Variants in FGF12 observed in about 807,000 individuals in gnomAD.
FGF12 encodes fibroblast growth factor 12, also known as fibroblast growth factor 12B.
FGF12 carries 14 observed loss-of-function variants against 23.6 expected under a neutral mutation model. The observed-to-expected ratio is 0.59, with a 90% confidence interval of 0.39 to 0.93. The LOEUF is 0.93. Among genes scored for constraint, FGF12 ranks in the 40% least tolerant of loss-of-function variants. FGF12 has a pLI of 0.00. For synonymous variants in FGF12, 62 were observed against 77.3 expected, an observed-to-expected ratio of 0.80 and a Z score of 1.04; for missense variants, 175 against 217.8, an observed-to-expected ratio of 0.80 and a Z score of 1.24.
intron 2 of FGF12, among the ~76,000 whole-genome samples, chr3:192,663,529 T>A (rs1577107101): frequency 6.6e-6 from 1 of 152,232 alleles, no homozygotes; most frequent in African/African-American, 2.4e-5. Flanking sequence ...CCAAACACAC[T>A]GGTCAATCCC....
At chr3:192,195,715 T>C (rs1210504939) in intron 4 of FGF12, among the ~76,000 whole-genome samples, 1 of 152,196 alleles carries the variant, frequency 6.6e-6, no homozygotes, top group Admixed American at 6.5e-5. Context: ...TCACAATGTG[T>C]GTGTGTATAT....
chr3:192,483,431 AAATGTCT>A (rs1723537509), intron 2 of FGF12, among the ~76,000 whole-genome samples: 1 of 152,214 alleles, frequency 6.6e-6, no homozygotes, highest in African/African-American at 2.4e-5. Context: ...CACGTAAAAA[AAATGTCT>A]AATGTCTCTT....
intron 2 of FGF12, among the ~76,000 whole-genome samples, chr3:192,372,391 T>TCACG (rs1719273216): frequency 6.7e-6 from 1 of 148,986 alleles, no homozygotes; most frequent in African/African-American, 2.4e-5. Flanking sequence ...TTTCATACCA[T>TCACG]CACACACACA....
chr3:192,470,877 G>A (rs1038839808), intron 2 of FGF12, among the ~76,000 whole-genome samples: 3 of 152,088 alleles, frequency 2.0e-5, no homozygotes, highest in Non-Finnish European at 4.4e-5. Context: ...CTTGTGCTGC[G>A]GCTGACCCTT....
At chr3:192,221,469 G>T (rs372086396) in intron 4 of FGF12, among the ~76,000 whole-genome samples, 1 of 152,120 alleles carries the variant, frequency 6.6e-6, no homozygotes, top group Non-Finnish European at 1.5e-5. Flanking sequence ...CCATGACAGC[G>T]CAGGGATGTG....
At chr3:192,633,324 G>C (rs758068045) in intron 2 of FGF12, among the ~76,000 whole-genome samples, 10 of 152,106 alleles carry the variant, frequency 6.6e-5, no homozygotes, top group Non-Finnish European at 1.5e-4. Context: ...GGGATTACAG[G>C]TGTGAGCCCT....
At chr3:192,310,907 C>T (rs1234635005) in intron 4 of FGF12, among the ~76,000 whole-genome samples, 1 of 152,116 alleles carries the variant, frequency 6.6e-6, no homozygotes, top group Non-Finnish European at 1.5e-5. Flanking sequence ...ACTCTGTTTC[C>T]ACTACTTCTT....
At chr3:192,506,810 C>T (rs978220093) in intron 2 of FGF12, among the ~76,000 whole-genome samples, 5 of 152,030 alleles carry the variant, frequency 3.3e-5, no homozygotes, top group African/African-American at 1.2e-4. Context: ...TTTAACAATG[C>T]TGGTCAGTTG....
chr3:192,559,671 A>G lies in FGF12; in HGVS notation c.13+167510T>C, dbSNP rs867678161. ...AATAATAAAACTAAAAAAAGAAGAA[A>G]AAAAAGATGTGTCAATAGATTGCAA... On this transcript the variant is annotated intron_variant, in intron 2 of 5. Coordinates refer to ENST00000445105, the MANE Select transcript of FGF12 (RefSeq NM_004113.6). 3.2e-4 allele frequency among the ~76,000 whole-genome samples: 48 copies of G among 151,982 alleles called. 1 individual carries two copies. The highest frequency in any genetic ancestry group is 2.1e-4 in the South Asian group (1 of 4,826).
intron 4 of FGF12, among the ~76,000 whole-genome samples, chr3:192,317,887 G>C (rs1716313360): frequency 6.6e-6 from 1 of 152,196 alleles, no homozygotes; most frequent in South Asian, 2.1e-4. Flanking sequence ...CACAGAGAGA[G>C]AGAGAGAGAC....
At chr3:192,195,652 A>G (rs1349809113) in intron 4 of FGF12, among the ~76,000 whole-genome samples, 1 of 152,140 alleles carries the variant, frequency 6.6e-6, no homozygotes, top group Admixed American at 6.6e-5. Context: ...ATTTCTCACA[A>G]TGTATCCCCA....
At chr3:192,316,602 G>C (rs192527130) in intron 4 of FGF12, among the ~76,000 whole-genome samples, 126 of 152,290 alleles carry the variant, frequency 8.3e-4, no homozygotes, top group Admixed American at 2.5e-3. Context: ...GTCTGTCCTA[G>C]TGGTCAGAAC....
intron 4 of FGF12, among the ~76,000 whole-genome samples, chr3:192,175,548 T>A (rs77997024): frequency 6.6e-6 from 1 of 152,206 alleles, no homozygotes; most frequent in Non-Finnish European, 1.5e-5. Context: ...ATGAATATTT[T>A]GATAGTGTTC....
At chr3:192,709,637 C>T (rs543677006) in intron 2 of FGF12, among the ~76,000 whole-genome samples, 1 of 152,244 alleles carries the variant, frequency 6.6e-6, no homozygotes, top group South Asian at 2.1e-4. Context: ...TCTCTTCTGA[C>T]CAAGTTAAGA....
chr3:192,578,858 A>G (rs1414328749), intron 2 of FGF12, among the ~76,000 whole-genome samples: 1 of 152,156 alleles, frequency 6.6e-6, no homozygotes, highest in Non-Finnish European at 1.5e-5. Context: ...CCCACCTGCA[A>G]AGGAACAGCC....
intron 4 of FGF12, among the ~76,000 whole-genome samples, chr3:192,301,895 G>A (rs2108660476): frequency 6.6e-6 from 1 of 152,206 alleles, no homozygotes; most frequent in African/African-American, 2.4e-5. Context: ...CTAATCCTTT[G>A]ACTGGAGCCC....
intron 5 of FGF12, among the ~76,000 whole-genome samples, chr3:192,160,770 G>T (rs1714825990): frequency 6.6e-6 from 1 of 152,082 alleles, no homozygotes; most frequent in Non-Finnish European, 1.5e-5. Flanking sequence ...ATGCTACAGT[G>T]ACTAACTGAA....
At chr3:192,355,958 A>G (rs951764135) in intron 3 of FGF12, among the ~76,000 whole-genome samples, 3 of 152,212 alleles carry the variant, frequency 2.0e-5, no homozygotes, top group Admixed American at 6.5e-5. Context: ...GAAATTGTCT[A>G]TATTCAACAG....
intron 2 of FGF12, among the ~76,000 whole-genome samples, chr3:192,638,303 A>G (rs1189795156): frequency 2.6e-5 from 4 of 152,242 alleles, no homozygotes. Context: ...CAAAAAAATT[A>G]TAAACAAGGA....
Sources: gnomAD v4.1 joint callset for allele counts (sites outside exome capture counted in the v4.1 genomes callset) on GRCh38, gnomAD v4.1.1 for gene constraint, MANE v1.5 for transcripts, NCBI Gene and HGNC (gene_info 2026-07-23, HGNC 2026-07-21) for gene names.